The following PDE1C variants were observed in gnomAD, a reference collection of about 807,000 sequenced individuals.
PDE1C encodes the protein phosphodiesterase 1C, also known as dual specificity calcium/calmodulin-dependent 3',5'-cyclic nucleotide phosphodiesterase 1C.
Under a neutral mutation model 93.1 loss-of-function variants are expected in PDE1C, and 62 were observed. The observed-to-expected ratio is 0.67, with a 90% CI of 0.54 to 0.82. The LOEUF (loss-of-function observed/expected upper bound fraction) is 0.82. Ranked by LOEUF, PDE1C falls within the 40% of genes least tolerant of loss-of-function variation. PDE1C has a pLI of 0.00. For missense variants in PDE1C, 742 were observed against 884.6 expected, an observed-to-expected ratio of 0.84 and a Z score of 2.04; for synonymous variants, 325 against 310.1, an observed-to-expected ratio of 1.05 and a Z score of -0.50.
At chr7:32,193,893 GTTTT>G (rs869297947) in intron 2 of PDE1C, among the ~76,000 whole-genome samples, 4 of 132,476 alleles carry the variant, frequency 3.0e-5, no homozygotes, top group African/African-American at 1.1e-4. Flanking sequence ...AGTTTATGTG[GTTTT>G]TTTTTTTGGT....
chr7:32,326,799 A>G (rs1783411788), intron 1 of PDE1C, among the ~76,000 whole-genome samples: 1 of 152,168 alleles, frequency 6.6e-6, no homozygotes, highest in African/African-American at 2.4e-5. Flanking sequence ...GCGTCAAGAG[A>G]ACCTTTTCTA....
At chr7:32,060,567 G>C (rs1198599456) in intron 1 of PDE1C, among the ~76,000 whole-genome samples, 1 of 152,166 alleles carries the variant, frequency 6.6e-6, no homozygotes, top group Non-Finnish European at 1.5e-5. Context: ...GCGCCAACTA[G>C]CAGATGCATT....
chr7:32,196,757 C>T (rs1481768922), intron 2 of PDE1C, among the ~76,000 whole-genome samples: 1 of 152,020 alleles, frequency 6.6e-6, no homozygotes, highest in Non-Finnish European at 1.5e-5. Context: ...GAATCCATTA[C>T]ATAAGGAATG....
chr7:31,963,933 C>T (rs944796518), intron 2 of PDE1C, among the ~76,000 whole-genome samples: 7 of 152,218 alleles, frequency 4.6e-5, no homozygotes, highest in Non-Finnish European at 1.0e-4. Context: ...AATCATGAAG[C>T]ATGACTTTAT....
At chr7:31,692,994 C>G in the PDE1C span, among the ~76,000 whole-genome samples, 179 of 152,098 alleles carry the variant, frequency 1.2e-3, 1 homozygote, top group Non-Finnish European at 1.5e-3. Flanking sequence ...CCAGAACTGA[C>G]TTTTTGCATA....
At chr7:31,794,097 T>TAGAC (rs144135653) in intron 16 of PDE1C, among the ~76,000 whole-genome samples, 3 of 144,402 alleles carry the variant, frequency 2.1e-5, no homozygotes, top group South Asian at 2.2e-4. Flanking sequence ...GACAGATAGA[T>TAGAC]AGACAGATAG....
chr7:31,997,843 G>C (rs1379151081), intron 2 of PDE1C, among the ~76,000 whole-genome samples: 2 of 152,130 alleles, frequency 1.3e-5, no homozygotes, highest in Non-Finnish European at 2.9e-5. Context: ...CAAATGCTTA[G>C]ACAACGATGA....
intron 17 of PDE1C, among the ~76,000 whole-genome samples, chr7:31,771,935 A>T (rs1456329892): frequency 1.3e-5 from 2 of 151,544 alleles, no homozygotes; most frequent in African/African-American, 2.4e-5. Context: ...AGTCCCAGCT[A>T]CTCAGGAGGC....
At chr7:32,291,827 G>A (rs1812345132) in intron 1 of PDE1C, among the ~76,000 whole-genome samples, 1 of 152,186 alleles carries the variant, frequency 6.6e-6, no homozygotes, top group African/African-American at 2.4e-5. Context: ...GGGAGGGGCA[G>A]GAATCGCAGA....
intron 1 of PDE1C, among the ~76,000 whole-genome samples, chr7:32,248,480 G>A (rs966908884): frequency 1.3e-5 from 2 of 152,198 alleles, no homozygotes; most frequent in African/African-American, 4.8e-5. Flanking sequence ...TGAAATAGCA[G>A]CTTGATTCAG....
At chr7:32,427,396 C>T (rs1785556557) in intron 1 of PDE1C, among the ~76,000 whole-genome samples, 1 of 152,154 alleles carries the variant, frequency 6.6e-6, no homozygotes, top group African/African-American at 2.4e-5. Flanking sequence ...ACCCTAAAGG[C>T]AAGTCTTCCC....
chr7:31,984,840 C>G (rs1032520795), intron 2 of PDE1C, among the ~76,000 whole-genome samples: 2 of 152,122 alleles, frequency 1.3e-5, no homozygotes, highest in Non-Finnish European at 2.9e-5. Flanking sequence ...GGAACCATAA[C>G]CTCCTTTTCC....
At chr7:31,865,150 A>T in intron 6 of PDE1C, 68 bp from the exon 7 acceptor site, 1 of 1,559,428 alleles carries the variant, frequency 6.4e-7, no homozygotes, top group South Asian at 1.1e-5. Flanking sequence ...CAGAAGTCTA[A>T]GGCACCAGGA....
At chr7:31,625,473 G>T in the PDE1C span, among the ~76,000 whole-genome samples, 2 of 151,994 alleles carry the variant, frequency 1.3e-5, no homozygotes, top group African/African-American at 4.8e-5. Context: ...TCCTTTGTAG[G>T]GACATGGATG....
At position 31,855,054 on chromosome 7, in the gene PDE1C, G is replaced by A. The variant is rs1031720022; in HGVS notation, c.751-4313C>T. On this transcript the variant is annotated intron_variant, in intron 7 of 17. Transcript: ENST00000396191. ...TGCACTCCAGCCTGGGTGACAGAGC[G>A]AGACTCCCTCTGTCTAAAAAAAAAA... 1.2e-4 allele frequency among the ~76,000 whole-genome samples: 16 copies of A among 131,826 alleles called. No homozygotes were observed. In the South Asian group the frequency reaches 1.7e-3, roughly 14 times the overall value. The allele number at this position is 131,826 out of a possible 152,430, so 86.5% of individuals were successfully genotyped here. A position where few individuals can be genotyped will look rare whatever the true frequency, so the allele number is the denominator to read the frequency against.
intron 2 of PDE1C, among the ~76,000 whole-genome samples, chr7:31,936,724 G>C (rs979021499): frequency 6.6e-6 from 1 of 152,138 alleles, no homozygotes; most frequent in African/African-American, 2.4e-5. Flanking sequence ...AAGAAGTATT[G>C]AAGTTAGGCA....
At chr7:32,278,050 A>T (rs1811394373) in intron 1 of PDE1C, among the ~76,000 whole-genome samples, 1 of 149,350 alleles carries the variant, frequency 6.7e-6, no homozygotes, top group Non-Finnish European at 1.5e-5. Flanking sequence ...CACAAGTGTG[A>T]AAAGGGAATT....
At chr7:31,984,098 A>G (rs551820800) in intron 2 of PDE1C, among the ~76,000 whole-genome samples, 71 of 152,238 alleles carry the variant, frequency 4.7e-4, no homozygotes, top group African/African-American at 1.7e-3. Flanking sequence ...TGGAGAGGAA[A>G]GGGCTAGATC....
chr7:32,019,061 T>C (rs932774595), intron 2 of PDE1C, among the ~76,000 whole-genome samples: 8 of 148,914 alleles, frequency 5.4e-5, no homozygotes, highest in East Asian at 2.0e-4. Context: ...AAACCAGGCA[T>C]AGTGCTAGGT....
Sources: allele counts gnomAD v4.1 joint callset (sites outside exome capture counted in the v4.1 genomes callset), GRCh38; gene constraint gnomAD v4.1.1; transcripts MANE v1.5; gene names NCBI Gene and HGNC (gene_info 2026-07-23, HGNC 2026-07-21).